The following IQCM variants were observed in gnomAD, a reference collection of about 807,000 sequenced individuals.
IQCM encodes the protein IQ motif containing M.
A neutral mutation model predicts 57.6 loss-of-function variants in IQCM; 45 were observed. The observed-to-expected ratio is 0.78, with a 90% CI of 0.62 to 1.00. IQCM has a LOEUF of 1.00. Among genes scored for constraint, IQCM ranks in the 50% least tolerant of loss-of-function variants. The pLI, the probability that IQCM is intolerant of heterozygous loss-of-function variation, is 0.00. For missense variants in IQCM, 468 were observed against 511.6 expected, an observed-to-expected ratio of 0.91 and a Z score of 0.82; for synonymous variants, 148 against 158.9, an observed-to-expected ratio of 0.93 and a Z score of 0.51.
At chr4:149,639,439 A>G (rs77111447) in intron 7 of IQCM, among the ~76,000 whole-genome samples, 49 of 151,504 alleles carry the variant, frequency 3.2e-4, no homozygotes, top group South Asian at 1.0e-3. Flanking sequence ...AAAAAAAAAA[A>G]AAGAAGAAGA....
At chr4:149,725,097 A>G (rs368654469) in intron 5 of IQCM, among the ~76,000 whole-genome samples, 3 of 152,248 alleles carry the variant, frequency 2.0e-5, no homozygotes, top group Non-Finnish European at 4.4e-5. Flanking sequence ...CACAAAGAAG[A>G]TATTTACAAA....
chr4:149,476,849 G>T (rs1740256677), intron 12 of IQCM, among the ~76,000 whole-genome samples: 1 of 152,088 alleles, frequency 6.6e-6, no homozygotes, highest in South Asian at 2.1e-4. Flanking sequence ...CAGATCAGTG[G>T]CACTGAGTCC....
chr4:149,636,199 G>C (rs1757704066), intron 7 of IQCM, among the ~76,000 whole-genome samples: 1 of 152,194 alleles, frequency 6.6e-6, no homozygotes, highest in African/African-American at 2.4e-5. Context: ...CCTCCACAGA[G>C]ATGGAACACA....
intron 7 of IQCM, among the ~76,000 whole-genome samples, chr4:149,669,250 A>G (rs966854064): frequency 1.3e-5 from 2 of 151,956 alleles, no homozygotes; most frequent in Admixed American, 1.3e-4. Context: ...GCATTTTTTT[A>G]TGTGTCTGTT....
chr4:149,441,240 A>G (rs1735911652), intron 12 of IQCM, among the ~76,000 whole-genome samples: 1 of 152,208 alleles, frequency 6.6e-6, no homozygotes, highest in Non-Finnish European at 1.5e-5. Context: ...GACTGTCTAG[A>G]GTTGACACAT....
intron 2 of IQCM, among the ~76,000 whole-genome samples, chr4:149,747,671 T>TA (rs1768055424): frequency 1.3e-5 from 2 of 152,148 alleles, no homozygotes; most frequent in Non-Finnish European, 2.9e-5. Context: ...TCCAAACTTG[T>TA]GAGAGGGCCA....
At chr4:149,739,849 T>C (rs1767291864) in intron 3 of IQCM, among the ~76,000 whole-genome samples, 1 of 152,194 alleles carries the variant, frequency 6.6e-6, no homozygotes, top group Non-Finnish European at 1.5e-5. Flanking sequence ...AAACCTCATT[T>C]TTCATATATC....
At chr4:149,584,337 G>A (rs923551796) in intron 9 of IQCM, among the ~76,000 whole-genome samples, 5 of 151,472 alleles carry the variant, frequency 3.3e-5, no homozygotes, top group Admixed American at 1.3e-4. Flanking sequence ...AAATATTGAG[G>A]AAGTAGAAAA....
At chr4:149,797,142 T>G (rs1192307111) in intron 2 of IQCM, among the ~76,000 whole-genome samples, 1 of 152,252 alleles carries the variant, frequency 6.6e-6, no homozygotes, top group African/African-American at 2.4e-5. Flanking sequence ...AATGGCTGTG[T>G]AGAGGAAACT....
At chr4:149,811,976 T>C (rs76227956) in intron 2 of IQCM, among the ~76,000 whole-genome samples, 2 of 152,342 alleles carry the variant, frequency 1.3e-5, no homozygotes, top group South Asian at 2.1e-4. Flanking sequence ...TATGTTTTGA[T>C]AGAAGGGCCT....
chr4:149,712,915 A>G (rs1425639244), intron 5 of IQCM, among the ~76,000 whole-genome samples: 1 of 152,142 alleles, frequency 6.6e-6, no homozygotes, highest in East Asian at 1.9e-4. Context: ...TTAACTGCCT[A>G]GGTCAGGATA....
chr4:149,443,663 A>AGAAAG (rs70965186), intron 12 of IQCM, among the ~76,000 whole-genome samples: 2,528 of 56,006 alleles, frequency 0.045, 335 homozygotes, highest in Middle Eastern at 0.058. Context: ...CCAATGGTAA[A>AGAAAG]GAAAGGAAAG....
rs937894040 is a variant in IQCM, at chr4:149,776,080, C to T, written c.-48-33341G>A. Among the ~76,000 whole-genome samples, 6 of 152,188 alleles carry T rather than the reference C, an allele frequency of 3.9e-5. No homozygotes were observed. In the East Asian group the frequency reaches 9.7e-4, roughly 25 times the overall value. ...CACAAGAGTTTAAGGCTACAAGGAACTTTGATCATGCCACTACACTTCAGC... is the reference window on the plus strand; with the variant it reads ...CACAAGAGTTTAAGGCTACAAGGAATTTTGATCATGCCACTACACTTCAGC... On this transcript the variant is annotated intron_variant, in intron 2 of 13. Coordinates refer to ENST00000636793, the MANE Select transcript of IQCM (RefSeq NM_001363507.2).
intron 2 of IQCM, among the ~76,000 whole-genome samples, chr4:149,777,915 A>C (rs1168118985): frequency 6.6e-6 from 1 of 152,172 alleles, no homozygotes; most frequent in Non-Finnish European, 1.5e-5. Context: ...CAACAGATGC[A>C]GACCAAAAAC....
At chr4:149,664,766 G>T (rs965340769) in intron 7 of IQCM, among the ~76,000 whole-genome samples, 2 of 152,128 alleles carry the variant, frequency 1.3e-5, no homozygotes, top group African/African-American at 4.8e-5. Context: ...CAACAGGTGG[G>T]GTTACAAGCA....
chr4:149,775,997 T>A (rs994020030), intron 2 of IQCM, among the ~76,000 whole-genome samples: 1 of 152,130 alleles, frequency 6.6e-6, no homozygotes, highest in Admixed American at 6.5e-5. Context: ...TAGGACACTT[T>A]TGAGACTAGG....
At chr4:149,608,895 A>G (rs1755027832) in intron 8 of IQCM, among the ~76,000 whole-genome samples, 1 of 151,786 alleles carries the variant, frequency 6.6e-6, no homozygotes. Context: ...AGAGAAAAAT[A>G]TAAAGATCAG....
At chr4:149,422,098 G>A (rs1734158978) in intron 13 of IQCM, among the ~76,000 whole-genome samples, 1 of 151,650 alleles carries the variant, frequency 6.6e-6, no homozygotes, top group Admixed American at 6.6e-5. Flanking sequence ...GTCTTGGTGG[G>A]GGAAAAGTCA....
At chr4:149,522,611 A>G (rs1001109571) in intron 12 of IQCM, among the ~76,000 whole-genome samples, 8 of 152,292 alleles carry the variant, frequency 5.3e-5, no homozygotes, top group South Asian at 4.1e-4. Flanking sequence ...TTCAAGACAT[A>G]GAGGGGGAAA....
Sources: allele counts gnomAD v4.1 joint callset (sites outside exome capture counted in the v4.1 genomes callset), GRCh38; gene constraint gnomAD v4.1.1; transcripts MANE v1.5; gene names NCBI Gene and HGNC (gene_info 2026-07-23, HGNC 2026-07-21).